Variants in EXOC6B observed in about 807,000 individuals in gnomAD.
The protein encoded by EXOC6B is SEC15 homolog B.
In EXOC6B, 54 loss-of-function variants were observed where a neutral mutation model predicts 113.5. The ratio of observed to expected loss-of-function variants is 0.48; its 90% CI spans 0.38 to 0.60. The LOEUF is 0.60. Ranked by LOEUF, EXOC6B falls within the 20% of genes least tolerant of loss-of-function variation. The pLI is 0.00. For missense variants in EXOC6B, 797 were observed against 977.5 expected, an observed-to-expected ratio of 0.82 and a Z score of 2.46; for synonymous variants, 357 against 339.0, an observed-to-expected ratio of 1.05 and a Z score of -0.58.
At chr2:72,194,292 C>T (rs1679024117) in intron 20 of EXOC6B, among the ~76,000 whole-genome samples, 1 of 151,988 alleles carries the variant, frequency 6.6e-6, no homozygotes, top group South Asian at 2.1e-4. Flanking sequence ...GCCAAGACAT[C>T]TAGTAGAGAA....
At chr2:72,259,040 T>G (rs1683537281) in intron 20 of EXOC6B, among the ~76,000 whole-genome samples, 1 of 152,192 alleles carries the variant, frequency 6.6e-6, no homozygotes, top group South Asian at 2.1e-4. Flanking sequence ...CAGTTCTACT[T>G]TTTATTTTGA....
chr2:72,316,911 T>A (rs1479773455), intron 20 of EXOC6B, among the ~76,000 whole-genome samples: 4 of 152,334 alleles, frequency 2.6e-5, no homozygotes, highest in Middle Eastern at 3.4e-3. Flanking sequence ...AGAATGCATT[T>A]GTCACTCTAC....
chr2:72,265,488 G>A (rs1375231658), intron 20 of EXOC6B, among the ~76,000 whole-genome samples: 1 of 150,020 alleles, frequency 6.7e-6, no homozygotes, highest in African/African-American at 2.5e-5. Context: ...CCATCTCTGA[G>A]TGAGAACATG....
In EXOC6B at chr2:72,182,668, C is replaced by T. The variant is rs142375515; in HGVS notation, c.2309+1407G>A. Among the ~76,000 whole-genome samples, 652 of 152,168 alleles carry T rather than the reference C, an allele frequency of 4.3e-3. 12 individuals are homozygous for T. Among genetic ancestry groups the T allele is most frequent in the Non-Finnish European group, 6.1e-3 (413 of 68,018 alleles). ...TGGCACAATGGGAGAAAATCCCTGC[C>T]GCCACTCCCAGCCCCAAAGGAATTA... is the stretch of plus-strand genomic sequence containing the variant. On this transcript the variant is annotated intron_variant, in intron 21 of 21. Transcript: ENST00000272427.
At chr2:72,222,971 A>G (rs1169837752) in intron 20 of EXOC6B, among the ~76,000 whole-genome samples, 1 of 152,214 alleles carries the variant, frequency 6.6e-6, no homozygotes, top group East Asian at 1.9e-4. Flanking sequence ...ATTAGTGGTT[A>G]TATATGTGAG....
chr2:72,572,162 C>A (rs1704550159), intron 7 of EXOC6B, among the ~76,000 whole-genome samples: 2 of 151,814 alleles, frequency 1.3e-5, no homozygotes, highest in African/African-American at 4.8e-5. Flanking sequence ...AATAGAAGAC[C>A]CAAACATTCA....
At chr2:72,584,900 C>G (rs945586959) in intron 6 of EXOC6B, among the ~76,000 whole-genome samples, 2 of 152,156 alleles carry the variant, frequency 1.3e-5, no homozygotes, top group Non-Finnish European at 2.9e-5. Flanking sequence ...CAACTTGTTC[C>G]TGAATTACTT....
intron 1 of EXOC6B, among the ~76,000 whole-genome samples, chr2:72,806,544 AC>A (rs926443680): frequency 3.9e-5 from 6 of 152,212 alleles, no homozygotes; most frequent in African/African-American, 9.6e-5. Context: ...TTAGGTATAT[AC>A]CCAGTAATGG....
intron 6 of EXOC6B, among the ~76,000 whole-genome samples, chr2:72,697,250 C>A (rs1035992647): frequency 7.2e-5 from 11 of 152,054 alleles, no homozygotes; most frequent in Non-Finnish European, 1.5e-4. Flanking sequence ...ACACATATAT[C>A]ATTTATAAAT....
chr2:72,713,428 T>C (rs1260658037), intron 6 of EXOC6B, among the ~76,000 whole-genome samples: 1 of 152,166 alleles, frequency 6.6e-6, no homozygotes, highest in African/African-American at 2.4e-5. Context: ...AAATTCTTTT[T>C]TTTTTCTTTT....
chr2:72,238,951 TG>T (rs1682135563), intron 20 of EXOC6B, among the ~76,000 whole-genome samples: 1 of 152,136 alleles, frequency 6.6e-6, no homozygotes, highest in Non-Finnish European at 1.5e-5. Flanking sequence ...CCGGCTGGAG[TG>T]CAGTGGAGCA....
intron 18 of EXOC6B, among the ~76,000 whole-genome samples, chr2:72,397,677 CAT>C (rs1692835075): frequency 8.0e-6 from 1 of 125,248 alleles, no homozygotes; most frequent in African/African-American, 4.2e-5. Context: ...TATATACACT[CAT>C]ATATTCAAGG....
At chr2:72,328,027 C>T (rs1456141554) in intron 20 of EXOC6B, among the ~76,000 whole-genome samples, 2 of 152,078 alleles carry the variant, frequency 1.3e-5, no homozygotes, top group Admixed American at 6.6e-5. Context: ...CAAATGGAGC[C>T]TATTCTCATG....
chr2:72,477,356 T>C (rs1698812744), intron 17 of EXOC6B, among the ~76,000 whole-genome samples: 2 of 152,190 alleles, frequency 1.3e-5, no homozygotes, highest in African/African-American at 4.8e-5. Context: ...GGAACTATCT[T>C]TGACTCCTGT....
chr2:72,576,774 T>G (rs1704889868), intron 6 of EXOC6B, among the ~76,000 whole-genome samples: 1 of 152,170 alleles, frequency 6.6e-6, no homozygotes, highest in Admixed American at 6.5e-5. Flanking sequence ...CCCAGCATGT[T>G]CCAAAAACAT....
In EXOC6B at chr2:72,470,936, T is replaced by C. The variant is rs986384403; in HGVS notation, c.1801-5597A>G. The stretch of plus-strand genomic sequence containing the variant: ...GTGCCGCAATAAACATACATGGGCG[T>C]GTATCTTTATAGCAGCATGATTTGT... On this transcript the variant is annotated intron_variant, in intron 17 of 21. Coordinates refer to ENST00000272427, the MANE Select transcript of EXOC6B (RefSeq NM_015189.3). Among the ~76,000 whole-genome samples, 3 of 152,298 alleles carry C rather than the reference T, an allele frequency of 2.0e-5. No homozygotes were observed. The East Asian group carries it at 5.8e-4, about 29-fold the overall frequency.
chr2:72,540,391 C>T (rs572841014), intron 8 of EXOC6B, among the ~76,000 whole-genome samples: 148 of 152,046 alleles, frequency 9.7e-4, no homozygotes, highest in Non-Finnish European at 1.4e-3. Flanking sequence ...TCCAGATTCA[C>T]GTTGTTAATA....
At chr2:72,183,677 G>C (rs1249883156) in intron 21 of EXOC6B, among the ~76,000 whole-genome samples, 1 of 152,088 alleles carries the variant, frequency 6.6e-6, no homozygotes, top group African/African-American at 2.4e-5. Flanking sequence ...CTGTTCTGTG[G>C]AGTTGCACTA....
chr2:72,458,252 T>C (rs940561472), intron 18 of EXOC6B, among the ~76,000 whole-genome samples: 2 of 152,206 alleles, frequency 1.3e-5, no homozygotes, highest in African/African-American at 4.8e-5. Flanking sequence ...CGAACTCTTT[T>C]CTCTCCCATT....
Sources: allele counts gnomAD v4.1 joint callset (sites outside exome capture counted in the v4.1 genomes callset), GRCh38; gene constraint gnomAD v4.1.1; transcripts MANE v1.5; gene names NCBI Gene and HGNC (gene_info 2026-07-23, HGNC 2026-07-21).